The following ATP13A5 variants were observed in gnomAD, a reference collection of about 807,000 sequenced individuals.
ATP13A5 encodes ATPase 13A5, also known as probable cation-transporting ATPase 13A5.
A neutral mutation model predicts 150.2 loss-of-function variants in ATP13A5; 149 were observed. The ratio of observed to expected loss-of-function variants is 0.99; its 90% CI spans 0.87 to 1.14. The LOEUF is 1.14. ATP13A5 is among the 50% of genes most tolerant of loss of function. ATP13A5 has a pLI of 0.00. For missense variants in ATP13A5, 1,383 were observed against 1,449.3 expected (o/e 0.95, Z 0.74); for synonymous variants, 497 against 522.2 (o/e 0.95, Z 0.66).
chr3:193,319,550 C>T (rs1455750256), intron 16 of ATP13A5, among the ~76,000 whole-genome samples: 2 of 152,244 alleles, frequency 1.3e-5, no homozygotes, highest in African/African-American at 4.8e-5. Context: ...CCGGGAACCA[C>T]GTTGGGCAAC....
chr3:193,301,495 C>T (rs1370676958), intron 23 of ATP13A5, among the ~76,000 whole-genome samples, 188 bp from the exon 24 acceptor site: 1 of 152,162 alleles, frequency 6.6e-6, no homozygotes, highest in African/African-American at 2.4e-5. Context: ...CCTTACTCAT[C>T]GGTTCATTTA....
intron 1 of ATP13A5, among the ~76,000 whole-genome samples, chr3:193,374,369 G>C (rs368131096): frequency 2.0e-4 from 31 of 151,532 alleles, no homozygotes; most frequent in African/African-American, 7.3e-4. Flanking sequence ...GTGGCTGGGT[G>C]AGGTGGCTCA....
intron 23 of ATP13A5, among the ~76,000 whole-genome samples, chr3:193,304,130 C>T (rs1018296466): frequency 6.6e-6 from 1 of 152,144 alleles, no homozygotes; most frequent in Non-Finnish European, 1.5e-5. Context: ...CTTAGAGATA[C>T]TCTGCAAAAT....
intron 8 of ATP13A5, 48 bp from the exon 9 acceptor site, chr3:193,344,103 T>C (rs1449820246): frequency 6.3e-7 from 1 of 1,591,682 alleles, no homozygotes; most frequent in African/African-American, 1.3e-5. Context: ...TTCCTGTTTT[T>C]ACTTAAGAAT....
intron 23 of ATP13A5, among the ~76,000 whole-genome samples, chr3:193,303,233 C>T (rs917435439): frequency 5.9e-5 from 9 of 152,124 alleles, no homozygotes; most frequent in South Asian, 2.1e-4. Context: ...ACATGGCTGC[C>T]GCATTTTCCC....
intron 25 of ATP13A5, among the ~76,000 whole-genome samples, chr3:193,295,409 C>G (rs1320548969): frequency 6.6e-6 from 1 of 152,032 alleles, no homozygotes; most frequent in Non-Finnish European, 1.5e-5. Context: ...CTGCTATCTC[C>G]TCCTTAACCC....
chr3:193,331,417 G>C (rs1054141509), intron 11 of ATP13A5, 106 bp from the exon 12 acceptor site: 5 of 1,073,894 alleles, frequency 4.7e-6, no homozygotes, highest in Non-Finnish European at 6.5e-6. Flanking sequence ...CAGAGCAAAG[G>C]AGACCTTTGA....
Position 193,364,268 on chromosome 3 carries a change from A to G in ATP13A5, c.76T>C (p.Tyr26His), listed in dbSNP as rs750506473. The G allele has an allele frequency of 3.1e-6, 5 of 1,613,296 alleles. No individual in the cohort carries two copies. The African/African-American group carries it at 6.7e-5, about 22-fold the overall frequency. ...GEEDELEVFGYRDHNVRKAFC... is the reference protein window; with the variant it reads ...GEEDELEVFGHRDHNVRKAFC... ...GCTTTCCGTACATTGTGGTCCCGGT[A>G]ACCAAACACCTCCTGGAGAATAAAT... Residue 26 changes from tyrosine (Y) to histidine (H), a missense_variant, in exon 2 of 30, where the codon TAC (tyrosine) becomes CAC (histidine). Tyr to His is a moderately conservative substitution (Grantham distance 83). Around this residue, in one of 3 missense-constraint regions of ATP13A5, gnomAD observed 787 missense variants for 771.9 expected, o/e 1.02. Transcript: ENST00000342358.
At chr3:193,359,149 TAC>T (rs1279346149) in intron 5 of ATP13A5, among the ~76,000 whole-genome samples, 1 of 152,174 alleles carries the variant, frequency 6.6e-6, no homozygotes, top group Non-Finnish European at 1.5e-5. Flanking sequence ...TAGTTGAGAC[TAC>T]GTTATTGGCT....
intron 1 of ATP13A5, among the ~76,000 whole-genome samples, chr3:193,375,180 C>T (rs1713594854): frequency 6.6e-6 from 1 of 152,158 alleles, no homozygotes; most frequent in Non-Finnish European, 1.5e-5. Context: ...GGAAGGAGAA[C>T]AGGGAAACTT....
At chr3:193,307,987 C>T (rs1365848596) in intron 21 of ATP13A5, among the ~76,000 whole-genome samples, 1 of 152,096 alleles carries the variant, frequency 6.6e-6, no homozygotes, top group African/African-American at 2.4e-5. Flanking sequence ...CACTGCCTGC[C>T]TTCTATTATA....
intron 26 of ATP13A5, among the ~76,000 whole-genome samples, chr3:193,288,559 A>G (rs1263117777): frequency 6.7e-6 from 1 of 148,992 alleles, no homozygotes; most frequent in Non-Finnish European, 1.5e-5. Context: ...TTTTAGACAT[A>G]ATGCTATTGC....
At chr3:193,336,184 T>C (rs191246257) in intron 9 of ATP13A5, among the ~76,000 whole-genome samples, 11 of 152,264 alleles carry the variant, frequency 7.2e-5, no homozygotes, top group Admixed American at 7.2e-4. Context: ...TATATAAATT[T>C]GTATACTCTT....
chr3:193,296,110 T>C lies in ATP13A5; in HGVS notation c.2848+3021A>G, dbSNP rs565162226. On this transcript the variant is annotated intron_variant, in intron 25 of 29. Transcript: ENST00000342358. ...AGAGCTAGCTATCCTGGAAGGAGTT[T>C]ATGAATGTGGCAGCCTGCTGGGGGT... Among the ~76,000 whole-genome samples the C allele has an allele frequency of 1.4e-4, 22 of 152,194 alleles. No individual in the cohort carries two copies. In the East Asian group the frequency reaches 3.3e-3, roughly 23 times the overall value.
chr3:193,319,809 C>T (rs1387473294), intron 16 of ATP13A5, among the ~76,000 whole-genome samples: 1 of 152,262 alleles, frequency 6.6e-6, no homozygotes, highest in Non-Finnish European at 1.5e-5. Context: ...TAAATCTGGT[C>T]TATAGCTTGT....
rs1718289519 is a variant in ATP13A5, at chr3:193,299,112, T to C, written c.2848+19A>G. 1 of 1,567,662 alleles carries C rather than the reference T, an allele frequency of 6.4e-7. No individual in the cohort carries two copies. The highest frequency in any genetic ancestry group is 1.4e-5 in the African/African-American group (1 of 72,696). On this transcript the variant is annotated intron_variant, in intron 25 of 29. Coordinates refer to ENST00000342358, the MANE Select transcript of ATP13A5 (RefSeq NM_198505.4). ...TAGATAAATAAAAACAATATAGTTT[T>C]CTTTGCTAAAGAGCTTACTTGTTAA...
At chr3:193,376,875 A>G (rs961285802) in intron 1 of ATP13A5, among the ~76,000 whole-genome samples, 3 of 152,188 alleles carry the variant, frequency 2.0e-5, no homozygotes, top group African/African-American at 7.2e-5. Flanking sequence ...ATCAACCAGA[A>G]TAGGATTTGC....
intron 9 of ATP13A5, among the ~76,000 whole-genome samples, chr3:193,338,360 G>T (rs531730360): frequency 1.7e-4 from 26 of 152,140 alleles, no homozygotes; most frequent in Non-Finnish European, 3.2e-4. Flanking sequence ...TATGATATTG[G>T]CTGTGGGTTT....
chr3:193,344,681 G>C (rs1712261931), intron 8 of ATP13A5, among the ~76,000 whole-genome samples: 1 of 152,158 alleles, frequency 6.6e-6, no homozygotes, highest in South Asian at 2.1e-4. Context: ...ACATGTGAAG[G>C]GGAGAGGGAA....
Sources: allele counts gnomAD v4.1 joint callset (sites outside exome capture counted in the v4.1 genomes callset), GRCh38; gene constraint gnomAD v4.1.1; regional missense constraint gnomAD v4.1.1; transcripts MANE v1.5; gene names NCBI Gene and HGNC (gene_info 2026-07-23, HGNC 2026-07-21).